VAMP4: variants seen among roughly 807,000 people sequenced by gnomAD.
VAMP4 encodes vesicle-associated membrane protein 4.
In VAMP4, 19 loss-of-function variants were observed where a neutral mutation model predicts 23.5. The ratio of observed to expected loss-of-function variants is 0.81; its 90% CI spans 0.56 to 1.19. The LOEUF is 1.19. Ranked by LOEUF, VAMP4 falls within the 50% of genes most tolerant of loss-of-function variation. The probability of loss-of-function intolerance (pLI) is 0.00; values close to 1 mark genes in which losing one functional copy is unlikely to be tolerated. For synonymous variants in VAMP4, 31 were observed against 51.0 expected (o/e 0.61, Z 1.67); for missense variants, 145 against 168.6 (o/e 0.86, Z 0.78).
intron 3 of VAMP4, 68 bp from the exon 4 acceptor site, chr1:171,719,289 G>C (rs1302723915): frequency 3.7e-5 from 49 of 1,336,756 alleles, no homozygotes; most frequent in Non-Finnish European, 5.0e-5. Flanking sequence ...AAAAAAGATA[G>C]AAAGTATACA....
intron 3 of VAMP4, among the ~76,000 whole-genome samples, chr1:171,722,755 A>G (rs553889506): frequency 5.3e-5 from 8 of 152,292 alleles, no homozygotes; most frequent in African/African-American, 1.7e-4. Flanking sequence ...GTCAGGAAAC[A>G]ACAGGTGCTG....
chr1:171,708,847 G>GGACAAC (rs1419813051), intron 6 of VAMP4, among the ~76,000 whole-genome samples: 1 of 145,304 alleles, frequency 6.9e-6, no homozygotes, highest in African/African-American at 2.6e-5. Context: ...AGATCAGCCT[G>GGACAAC]GACAACAAGA....
At chr1:171,719,361 A>C (rs534103053) in intron 3 of VAMP4, 140 bp from the exon 4 acceptor site, 1 of 608,398 alleles carries the variant, frequency 1.6e-6, no homozygotes, top group African/African-American at 1.9e-5. Context: ...AAGGGACCAC[A>C]TTTTACTGAT....
At chr1:171,704,865 T>C (rs542622794) in intron 7 of VAMP4, among the ~76,000 whole-genome samples, 1 of 152,148 alleles carries the variant, frequency 6.6e-6, no homozygotes, top group African/African-American at 2.4e-5. Flanking sequence ...TCTTAGTTTT[T>C]TAAAAAACAT....
At chr1:171,712,172 A>C (rs923169241) in intron 4 of VAMP4, among the ~76,000 whole-genome samples, 1 of 152,154 alleles carries the variant, frequency 6.6e-6, no homozygotes, top group Non-Finnish European at 1.5e-5. Flanking sequence ...AAATGTATAT[A>C]TATTTAAATA....
Position 171,742,042 on chromosome 1 carries a change from GC to G in VAMP4, c.-183del, listed in dbSNP as rs1655947546. The G allele has an allele frequency of 6.6e-6, 1 of 152,326 alleles. No individual in the cohort carries two copies. The highest frequency in any genetic ancestry group is 1.5e-5 in the Non-Finnish European group (1 of 68,030). The allele number at this position is 152,326 out of a possible 1,614,324, so 9.4% of individuals were successfully genotyped here. On this transcript the variant is annotated 5_prime_UTR_variant, in exon 1 of 8. It removes the in-frame stop codon of an upstream open reading frame in the 5' UTR. Coordinates refer to ENST00000236192, the MANE Select transcript of VAMP4 (RefSeq NM_003762.5). ...GTGCGGACCCGGCGTCGGCCGCAGC[GC>G]CGCAGCAGCGCCTCCGCTCATCGAG...
At chr1:171,709,939 C>T (rs1225653054) in intron 5 of VAMP4, among the ~76,000 whole-genome samples, 195 bp from the exon 6 acceptor site, 2 of 151,798 alleles carry the variant, frequency 1.3e-5, no homozygotes, top group Admixed American at 6.6e-5. Flanking sequence ...AAACAAAAAG[C>T]AAAAAACAGC....
intron 4 of VAMP4, among the ~76,000 whole-genome samples, chr1:171,713,929 T>C (rs183349669): frequency 6.6e-6 from 1 of 152,208 alleles, no homozygotes; most frequent in Non-Finnish European, 1.5e-5. Context: ...TAGAGTATCA[T>C]AAACCTACAA....
chr1:171,734,145 G>A (rs1349971059), intron 2 of VAMP4, among the ~76,000 whole-genome samples: 4 of 151,678 alleles, frequency 2.6e-5, no homozygotes, highest in African/African-American at 9.7e-5. Flanking sequence ...GTGTACGCCT[G>A]TAATCCCAGC....
intron 2 of VAMP4, among the ~76,000 whole-genome samples, chr1:171,732,291 T>TG (rs1233550174): frequency 7.1e-6 from 1 of 141,084 alleles, no homozygotes; most frequent in Non-Finnish European, 1.5e-5. Context: ...GAGGCCAAAG[T>TG]GGGGGGATCA....
At chr1:171,720,634 T>C (rs973185658) in intron 3 of VAMP4, among the ~76,000 whole-genome samples, 62 of 152,198 alleles carry the variant, frequency 4.1e-4, no homozygotes, top group African/African-American at 1.3e-3. Flanking sequence ...ATACTATCTA[T>C]GCAACCCTTC....
rs1489986610 is a variant in VAMP4 at position 171,710,845 on chromosome 1, CCTT to C, written c.165-34_165-32del. The C allele has an allele frequency of 6.0e-6, 9 of 1,497,118 alleles. No homozygotes were observed. In the African/African-American group the frequency reaches 7.0e-5, roughly 12 times the overall value. 92.7% of individuals were successfully genotyped at this position (1,497,118 alleles called of 1,614,324 possible). ...TTAAAAAAGATACACAATTATTTAT[CCTT>C]CTTTTGAGAATGCTTACAATTTTTA... is the stretch of plus-strand genomic sequence containing the variant. On this transcript the variant is annotated intron_variant, in intron 4 of 7. Coordinates refer to ENST00000236192, the MANE Select transcript of VAMP4 (RefSeq NM_003762.5).
rs149061145 is a variant in VAMP4 at position 171,709,269 on chromosome 1, A to G, written c.345+396T>C. Among the ~76,000 whole-genome samples the G allele has an allele frequency of 7.1e-3, 1,087 of 152,174 alleles. 15 individuals are homozygous for G. Among genetic ancestry groups the G allele is most frequent in the African/African-American group, 0.025 (1,037 of 41,532 alleles). On this transcript the variant is annotated intron_variant, in intron 6 of 7. Transcript: ENST00000236192. ...GTAAGCTTTTATTTTTTACCCTTTC[A>G]ACCGAAAGTCATATTTTTCTCTAGC...
intron 1 of VAMP4, among the ~76,000 whole-genome samples, chr1:171,740,737 T>A (rs913020097): frequency 6.6e-6 from 1 of 152,226 alleles, no homozygotes; most frequent in African/African-American, 2.4e-5. Context: ...ACCCCTGCAA[T>A]GAGGCTGCCT....
chr1:171,738,054 C>T (rs1198203197), intron 2 of VAMP4, among the ~76,000 whole-genome samples: 1 of 152,192 alleles, frequency 6.6e-6, no homozygotes, highest in Non-Finnish European at 1.5e-5. Context: ...CCACAGCCTT[C>T]ATCTCCCAGG....
In VAMP4 at chr1:171,704,551, G is replaced by C; in HGVS notation, c.398-17C>G. 1 of 1,564,006 alleles carries C rather than the reference G, an allele frequency of 6.4e-7. No homozygotes were observed. The highest frequency in any genetic ancestry group is 1.2e-5 in the South Asian group (1 of 84,512). ...CTATAAGAACTGTAAGAGAAAACAT[G>C]AAAAAAGCAATATATCAACATCAGA... On this transcript the variant is annotated splice_polypyrimidine_tract_variant and intron_variant, in intron 7 of 7. Coordinates refer to ENST00000236192, the MANE Select transcript of VAMP4 (RefSeq NM_003762.5).
At chr1:171,739,515 A>G (rs781207209) in intron 1 of VAMP4, among the ~76,000 whole-genome samples, 2 of 152,222 alleles carry the variant, frequency 1.3e-5, no homozygotes, top group African/African-American at 2.4e-5. Context: ...GAACACAAGG[A>G]AGGGATTGTG....
chr1:171,732,473 G>A (rs1355680373), intron 2 of VAMP4, among the ~76,000 whole-genome samples: 1 of 152,120 alleles, frequency 6.6e-6, no homozygotes, highest in Non-Finnish European at 1.5e-5. Flanking sequence ...GGAATTTGAG[G>A]TTAGAGTGAG....
chr1:171,727,437 T>C (rs993466075), intron 3 of VAMP4, among the ~76,000 whole-genome samples: 1 of 152,040 alleles, frequency 6.6e-6, no homozygotes, highest in Non-Finnish European at 1.5e-5. Context: ...TCCACTAGAA[T>C]GGCTAGAATG....
Sources: allele counts gnomAD v4.1 joint callset (sites outside exome capture counted in the v4.1 genomes callset), GRCh38; gene constraint gnomAD v4.1.1; transcripts MANE v1.5; gene names NCBI Gene and HGNC (gene_info 2026-07-23, HGNC 2026-07-21).